The following DGAT2 variants were observed in gnomAD, a reference collection of about 807,000 sequenced individuals.
The protein encoded by DGAT2 is acyl-CoA retinol O-fatty-acyltransferase.
DGAT2 carries 33 observed loss-of-function variants against 48.4 expected under a neutral mutation model. The ratio of observed to expected loss-of-function variants is 0.68; its 90% CI spans 0.52 to 0.91. The LOEUF is 0.91. DGAT2 is among the 40% of genes least tolerant of loss of function. DGAT2 has a pLI of 0.00. For missense variants in DGAT2, 446 were observed against 493.7 expected, an observed-to-expected ratio of 0.90 and a Z score of 0.92; for synonymous variants, 191 against 194.1, an observed-to-expected ratio of 0.98 and a Z score of 0.13.
rs150230214 is a variant in DGAT2 at position 75,779,843 on chromosome 11, C to T, written c.122-4775C>T. Among the ~76,000 whole-genome samples, 710 of 152,336 alleles carry T rather than the reference C, an allele frequency of 4.7e-3. 4 individuals are homozygous for T. Among genetic ancestry groups the T allele is most frequent in the African/African-American group, 0.016 (649 of 41,572 alleles). On this transcript the variant is annotated intron_variant, in intron 1 of 7. Transcript: ENST00000228027. The stretch of plus-strand genomic sequence containing the variant: ...CTCATCCCCCATCTCTGGGGTCAGT[C>T]CTCAGTGATGGGGCTGGTTTTGCCT...
At chr11:75,770,427 G>A (rs774966401) in intron 1 of DGAT2, among the ~76,000 whole-genome samples, 1 of 152,222 alleles carries the variant, frequency 6.6e-6, no homozygotes, top group Non-Finnish European at 1.5e-5. Context: ...GCTGCCCCAT[G>A]TATCCAGCCA....
chr11:75,771,380 G>A (rs1167112785), intron 1 of DGAT2, among the ~76,000 whole-genome samples: 3 of 152,116 alleles, frequency 2.0e-5, no homozygotes, highest in Non-Finnish European at 4.4e-5. Flanking sequence ...ACACCTGCCT[G>A]TGTCCTCAGG....
intron 1 of DGAT2, among the ~76,000 whole-genome samples, chr11:75,779,697 G>T (rs1944839453): frequency 6.6e-6 from 1 of 152,228 alleles, no homozygotes; most frequent in African/African-American, 2.4e-5. Context: ...TGAGTCTTCT[G>T]TTGGGAATCT....
At chr11:75,793,277 G>A (rs1945011294) in intron 4 of DGAT2, 1 of 152,218 alleles carries the variant, frequency 6.6e-6, no homozygotes, top group Admixed American at 6.5e-5. Flanking sequence ...GGAGGGGAGT[G>A]TGACATGAAA....
intron 4 of DGAT2, chr11:75,793,431 G>A (rs1225966494): frequency 6.6e-6 from 1 of 152,236 alleles, no homozygotes; most frequent in Non-Finnish European, 1.5e-5. Flanking sequence ...AGAGCCACCT[G>A]GGGCCCACTG....
At chr11:75,789,967 C>T (rs1944966675) in intron 2 of DGAT2, among the ~76,000 whole-genome samples, 2 of 152,214 alleles carry the variant, frequency 1.3e-5, no homozygotes, top group African/African-American at 2.4e-5. Context: ...GATGCCAGGA[C>T]AGTCCATCAG....
chr11:75,774,279 G>A lies in DGAT2; in HGVS notation c.121+5167G>A, dbSNP rs190193726. On this transcript the variant is annotated intron_variant, in intron 1 of 7. Transcript: ENST00000228027. Reference sequence around the variant, plus strand: ...TCTGTCCAGCTCCTGCTTGGCCACCGAACTGCTCCGCAGCCTCAGCAAGCC... The same window carrying A: ...TCTGTCCAGCTCCTGCTTGGCCACCAAACTGCTCCGCAGCCTCAGCAAGCC... Among the ~76,000 whole-genome samples the A allele has an allele frequency of 1.2e-4, 18 of 152,266 alleles. No individual in the cohort carries two copies. In the East Asian group the frequency reaches 3.3e-3, roughly 28 times the overall value.
rs986499621 is a variant in DGAT2 at position 75,800,648 on chromosome 11, C to CT, written c.*146dup. 1.6e-5 allele frequency: 17 copies of CT among 1,084,070 alleles called. No individual in the cohort carries two copies. The highest frequency in any genetic ancestry group is 2.2e-5 in the Non-Finnish European group (17 of 778,058). 67.2% of individuals were successfully genotyped at this position (1,084,070 alleles called of 1,614,324 possible). A position where few individuals can be genotyped will look rare whatever the true frequency, so the allele number is the denominator to read the frequency against. ...TTGCTAAACCATTACAATGTTAGGTCTTTTTTAAGAAGGAAAAAGTCAGTA... is the reference window on the plus strand; with the variant it reads ...TTGCTAAACCATTACAATGTTAGGTCTTTTTTTAAGAAGGAAAAAGTCAGTA... On this transcript the variant is annotated 3_prime_UTR_variant, in exon 8 of 8. Transcript: ENST00000228027.
chr11:75,776,435 C>T (rs1780479115), intron 1 of DGAT2: 1 of 152,282 alleles, frequency 6.6e-6, no homozygotes, highest in African/African-American at 2.4e-5. Context: ...GTCAATCCAA[C>T]CCAGGTGGAG....
chr11:75,788,161 C>T (rs904029915), intron 2 of DGAT2, among the ~76,000 whole-genome samples: 2 of 152,126 alleles, frequency 1.3e-5, no homozygotes, highest in African/African-American at 2.4e-5. Context: ...CCTATCTGGC[C>T]CACCTGGAGC....
rs1377633966 is a variant in DGAT2 at position 75,801,306 on chromosome 11, G to T, written c.*798G>T. 6.6e-6 allele frequency: 1 copy of T among 152,648 alleles called. No homozygotes were observed. The highest frequency in any genetic ancestry group is 1.5e-5 in the Non-Finnish European group (1 of 68,056). 9.5% of individuals were successfully genotyped at this position (152,648 alleles called of 1,614,324 possible). A position where few individuals can be genotyped will look rare whatever the true frequency, so the allele number is the denominator to read the frequency against. The stretch of plus-strand genomic sequence containing the variant: ...CTTCCCCAGATCCTAGATTCTGGAT[G>T]TGAGGAAGAGATCCCTCTTCAGAAG... On this transcript the variant is annotated 3_prime_UTR_variant, in exon 8 of 8. Coordinates refer to ENST00000228027, the MANE Select transcript of DGAT2 (RefSeq NM_032564.5).
At chr11:75,779,589 G>C (rs1944838786) in intron 1 of DGAT2, among the ~76,000 whole-genome samples, 1 of 152,202 alleles carries the variant, frequency 6.6e-6, no homozygotes, top group African/African-American at 2.4e-5. Flanking sequence ...TAAAAGAGCT[G>C]CTCTGGGCCT....
chr11:75,788,191 C>G (rs891485100), intron 2 of DGAT2, among the ~76,000 whole-genome samples: 2 of 152,190 alleles, frequency 1.3e-5, no homozygotes, highest in Non-Finnish European at 2.9e-5. Context: ...GAGGATGCCA[C>G]TAGAGGAGCC....
intron 2 of DGAT2, among the ~76,000 whole-genome samples, chr11:75,786,398 A>C (rs565099073): frequency 6.6e-6 from 1 of 152,306 alleles, no homozygotes; most frequent in East Asian, 1.9e-4. Context: ...CCCCCTGCCT[A>C]GTCTGCTACA....
At chr11:75,774,640 G>C (rs1402782376) in intron 1 of DGAT2, among the ~76,000 whole-genome samples, 2 of 152,148 alleles carry the variant, frequency 1.3e-5, no homozygotes, top group Non-Finnish European at 2.9e-5. Flanking sequence ...CCTAACTGCT[G>C]TGGGACTCTT....
At position 75,769,091 on chromosome 11, in the gene DGAT2, C is replaced by CG; in HGVS notation, c.101dup (p.Glu35ArgfsTer27). 1 of 1,570,478 alleles carries CG rather than the reference C, an allele frequency of 6.4e-7. No homozygotes were observed. The highest frequency in any genetic ancestry group is 8.6e-7 in the Non-Finnish European group (1 of 1,162,952). ...CTCTCACGGAGGACCTGCGCTGTCG[C>CG]GCGAGGGGTCTGGGAGATGGGGTGA... On this transcript the variant is annotated frameshift_variant, in exon 1 of 8. Coordinates refer to ENST00000228027, the MANE Select transcript of DGAT2 (RefSeq NM_032564.5). LOFTEE classifies it high-confidence loss of function.
At chr11:75,796,927 C>T (rs1945062782) in intron 5 of DGAT2, 1 of 473,364 alleles carries the variant, frequency 2.1e-6, no homozygotes, top group South Asian at 4.0e-5. Context: ...GAATGTTTGC[C>T]AAATGCATGA....
chr11:75,778,829 G>A (rs1314801382), intron 1 of DGAT2, among the ~76,000 whole-genome samples: 4 of 116,168 alleles, frequency 3.4e-5, no homozygotes, highest in Admixed American at 2.8e-4. Flanking sequence ...TCGGGACTCC[G>A]TCTCAAAAAA....
chr11:75,769,225 A>G (rs1390658407), intron 1 of DGAT2, 113 bp downstream of exon 1: 58 of 1,304,850 alleles, frequency 4.4e-5, no homozygotes, highest in Non-Finnish European at 5.7e-5. Context: ...TGTGGCACTC[A>G]TCAATTTTTA....
Sources: allele counts gnomAD v4.1 joint callset (sites outside exome capture counted in the v4.1 genomes callset), GRCh38; gene constraint gnomAD v4.1.1; transcripts MANE v1.5; gene names NCBI Gene and HGNC (gene_info 2026-07-23, HGNC 2026-07-21).